The following TENT5D variants were observed in gnomAD, a reference collection of about 807,000 sequenced individuals.
The protein encoded by TENT5D is terminal nucleotidyltransferase 5D, also known as cancer/testis antigen 112.
For synonymous variants in TENT5D, 103 were observed against 100.6 expected, an observed-to-expected ratio of 1.02 and a Z score of -0.15; for missense variants, 191 against 287.0, an observed-to-expected ratio of 0.67 and a Z score of 2.42.
chrX:80,359,756 G>A (rs1328951457), intron 3 of TENT5D, among the ~76,000 whole-genome samples: 1 of 111,641 alleles, frequency 9.0e-6, no homozygotes, highest in Non-Finnish European at 1.9e-5. Flanking sequence ...TGCACGTTCT[G>A]CACGTGTATC....
chrX:80,347,133 A>AT (rs1163249533), intron 3 of TENT5D, among the ~76,000 whole-genome samples: 1 of 111,748 alleles, frequency 8.9e-6, no homozygotes, highest in African/African-American at 3.3e-5. Flanking sequence ...TGCTGCAATA[A>AT]ACATATGTGT....
intron 2 of TENT5D, among the ~76,000 whole-genome samples, chrX:80,337,444 G>A (rs1162143153): frequency 1.8e-5 from 2 of 111,441 alleles, no homozygotes; most frequent in Non-Finnish European, 3.8e-5. Flanking sequence ...TATAGTATTT[G>A]CATCTTTAAC....
chrX:80,402,883 T>C (rs1301330750), intron 3 of TENT5D, among the ~76,000 whole-genome samples: 1 of 112,036 alleles, frequency 8.9e-6, no homozygotes, highest in African/African-American at 3.2e-5. Context: ...GTTCAGTATA[T>C]GGCTATTAGG....
intron 3 of TENT5D, among the ~76,000 whole-genome samples, chrX:80,388,797 G>A (rs2147536637): frequency 9.0e-6 from 1 of 111,711 alleles, no homozygotes. Context: ...TCTGAGGTCA[G>A]CACACCGGGA....
At chrX:80,407,208 C>A (rs1931518994) in intron 3 of TENT5D, among the ~76,000 whole-genome samples, 1 of 108,302 alleles carries the variant, frequency 9.2e-6, no homozygotes, top group Non-Finnish European at 1.9e-5. Context: ...AGCAAAATAA[C>A]CAGCTAACAT....
chrX:80,439,110 A>C (rs771762771), intron 2 of TENT5D, among the ~76,000 whole-genome samples: 8 of 111,689 alleles, frequency 7.2e-5, no homozygotes, highest in African/African-American at 2.6e-4. Flanking sequence ...CAAGATTTAA[A>C]TATTCTGCAA....
intron 3 of TENT5D, among the ~76,000 whole-genome samples, chrX:80,381,539 T>C (rs1446388190): frequency 8.9e-6 from 1 of 112,245 alleles, no homozygotes. Flanking sequence ...CTGGATAATA[T>C]CCTGGTGAGT....
upstream of TENT5D, among the ~76,000 whole-genome samples, chrX:80,417,254 A>G (rs1931794910): frequency 9.0e-6 from 1 of 111,129 alleles, no homozygotes; most frequent in South Asian, 3.8e-4. Context: ...TTCTTTATCC[A>G]ACTTTCCAAT....
upstream of TENT5D, among the ~76,000 whole-genome samples, chrX:80,417,868 G>C (rs925596704): frequency 9.0e-6 from 1 of 111,489 alleles, no homozygotes; most frequent in African/African-American, 3.3e-5. Flanking sequence ...TAGTGAGCTT[G>C]GGAAATGTTC....
chrX:80,445,028 C>T (rs1044761029), exon 3 of TENT5D: 1 of 122,136 alleles, frequency 8.2e-6, no homozygotes, highest in Non-Finnish European at 1.9e-5. Context: ...TATTGACCAT[C>T]ACGTTTTCTA....
chrX:80,337,603 A>G (rs943299200), intron 2 of TENT5D, among the ~76,000 whole-genome samples: 3 of 111,284 alleles, frequency 2.7e-5, no homozygotes, highest in African/African-American at 9.8e-5. Context: ...TCACTGTTCT[A>G]GAGTTTTCCA....
intron 3 of TENT5D, among the ~76,000 whole-genome samples, chrX:80,356,070 G>T (rs1930277927): frequency 8.9e-6 from 1 of 112,033 alleles, no homozygotes. Context: ...TAAATATTTT[G>T]AGGTTTTGTT....
At chrX:80,365,354 T>G (rs1930486204) in intron 3 of TENT5D, among the ~76,000 whole-genome samples, 1 of 111,811 alleles carries the variant, frequency 8.9e-6, no homozygotes, top group Admixed American at 9.6e-5. Context: ...AAGCTTATTG[T>G]TTATGGAAAG....
chrX:80,377,064 C>G (rs977050755), intron 3 of TENT5D, among the ~76,000 whole-genome samples: 2 of 110,365 alleles, frequency 1.8e-5, no homozygotes. Flanking sequence ...AATAGACACT[C>G]CCAGTGAAAG....
intron 3 of TENT5D, among the ~76,000 whole-genome samples, chrX:80,383,924 A>G (rs1290925576): frequency 2.7e-5 from 3 of 111,463 alleles, no homozygotes; most frequent in Non-Finnish European, 3.8e-5. Flanking sequence ...AATAATTAAT[A>G]GCTTACCAAC....
At chrX:80,356,819 G>C (rs1383667728) in intron 3 of TENT5D, among the ~76,000 whole-genome samples, 3 of 110,997 alleles carry the variant, frequency 2.7e-5, no homozygotes, top group African/African-American at 9.8e-5. Context: ...GTGCAGGTTT[G>C]TTACACATGT....
intron 1 of TENT5D, among the ~76,000 whole-genome samples, chrX:80,421,639 A>G (rs909943381): frequency 1.2e-4 from 14 of 112,458 alleles, no homozygotes; most frequent in East Asian, 2.8e-4. Flanking sequence ...AATAGCAAAG[A>G]CTGCATTTTG....
At chrX:80,372,802 G>A (rs773422554) in intron 3 of TENT5D, among the ~76,000 whole-genome samples, 5 of 107,302 alleles carry the variant, frequency 4.7e-5, no homozygotes, top group African/African-American at 1.0e-4. Context: ...CAGGAGAATC[G>A]CTTGAACCTG....
At chrX:80,443,499 G>T in exon 3 of TENT5D, 1 of 1,210,865 alleles carries the variant, frequency 8.3e-7, no homozygotes. Context: ...AAAGAAGACA[G>T]ATTCTCCACC....
Sources: gnomAD v4.1 joint callset for allele counts (sites outside exome capture counted in the v4.1 genomes callset) on GRCh38, gnomAD v4.1.1 for gene constraint, MANE v1.5 for transcripts, NCBI Gene and HGNC (gene_info 2026-07-23, HGNC 2026-07-21) for gene names.